Variants in MYO9A observed in about 807,000 individuals in gnomAD.
MYO9A encodes the protein unconventional myosin-IXa.
Under a neutral mutation model 293.3 loss-of-function variants are expected in MYO9A, and 103 were observed. The observed-to-expected ratio is 0.35, with a 90% CI of 0.30 to 0.41. The LOEUF (loss-of-function observed/expected upper bound fraction) is 0.41, where lower values mean the gene tolerates loss of function less well. Ranked by LOEUF, MYO9A falls within the 10% of genes least tolerant of loss-of-function variation. The probability of loss-of-function intolerance (pLI) is 1.00; values close to 1 mark genes in which losing one functional copy is unlikely to be tolerated. For synonymous variants in MYO9A, 1,001 were observed against 1,035.7 expected, an observed-to-expected ratio of 0.97 and a Z score of 0.64; for missense variants, 2,685 against 3,033.0, an observed-to-expected ratio of 0.89 and a Z score of 2.69.
At chr15:71,930,090 C>T (rs1384897417) in intron 18 of MYO9A, among the ~76,000 whole-genome samples, 1 of 152,146 alleles carries the variant, frequency 6.6e-6, no homozygotes, top group Non-Finnish European at 1.5e-5. Flanking sequence ...GAAAGAATTT[C>T]TATTGCTGGC....
intron 18 of MYO9A, among the ~76,000 whole-genome samples, chr15:71,933,109 T>C (rs1466074185): frequency 6.6e-6 from 1 of 152,128 alleles, no homozygotes; most frequent in Non-Finnish European, 1.5e-5. Flanking sequence ...GTTAAAATAA[T>C]AATATTTTAT....
intron 10 of MYO9A, among the ~76,000 whole-genome samples, chr15:71,993,050 T>C (rs1300484085): frequency 2.0e-5 from 3 of 152,046 alleles, no homozygotes; most frequent in Admixed American, 1.3e-4. Context: ...CCACAATAAA[T>C]GCCTTCTAAA....
chr15:72,077,145 A>G (rs574120270), intron 1 of MYO9A, among the ~76,000 whole-genome samples: 44 of 152,316 alleles, frequency 2.9e-4, no homozygotes, highest in African/African-American at 1.0e-3. Context: ...AGCATGGGGG[A>G]AAATCTTGGT....
At chr15:72,070,645 G>A (rs1011004958) in intron 1 of MYO9A, among the ~76,000 whole-genome samples, 2 of 151,722 alleles carry the variant, frequency 1.3e-5, no homozygotes, top group African/African-American at 4.8e-5. Context: ...AACCAAAACC[G>A]CGCCACTGCA....
intron 1 of MYO9A, among the ~76,000 whole-genome samples, chr15:72,061,160 G>GA (rs2078867313): frequency 6.6e-6 from 1 of 152,130 alleles, no homozygotes; most frequent in Non-Finnish European, 1.5e-5. Context: ...CTTGGACCTT[G>GA]AAAAAACTTC....
At chr15:71,994,652 T>G in intron 9 of MYO9A, 67 bp from the exon 10 acceptor site, 1 of 836,384 alleles carries the variant, frequency 1.2e-6, no homozygotes, top group South Asian at 2.4e-5. Flanking sequence ...GACAAAGTTG[T>G]TTGCTCCCAT....
intron 1 of MYO9A, among the ~76,000 whole-genome samples, chr15:72,088,616 T>C (rs2079814463): frequency 6.6e-6 from 1 of 152,206 alleles, no homozygotes; most frequent in East Asian, 1.9e-4. Context: ...TCATGTATAC[T>C]TCTCAGCCTT....
At chr15:71,862,980 T>G (rs2056198776) in intron 32 of MYO9A, among the ~76,000 whole-genome samples, 1 of 149,830 alleles carries the variant, frequency 6.7e-6, no homozygotes, top group African/African-American at 2.5e-5. Context: ...CAGGCTGGAG[T>G]GCAGTGGTGC....
chr15:72,021,480 C>T (rs1050560589), intron 4 of MYO9A, among the ~76,000 whole-genome samples: 1 of 152,174 alleles, frequency 6.6e-6, no homozygotes, highest in African/African-American at 2.4e-5. Context: ...CTGACAGCTA[C>T]CAGAAAGGTC....
At chr15:71,895,036 T>C (rs2057284648) in intron 25 of MYO9A, among the ~76,000 whole-genome samples, 1 of 152,214 alleles carries the variant, frequency 6.6e-6, no homozygotes, top group African/African-American at 2.4e-5. Flanking sequence ...CTAGGAGCCA[T>C]AAGAAATTAT....
chr15:71,855,577 A>C (rs1483748474), intron 34 of MYO9A, among the ~76,000 whole-genome samples: 1 of 152,182 alleles, frequency 6.6e-6, no homozygotes, highest in African/African-American at 2.4e-5. Flanking sequence ...TTGTTTTGCA[A>C]ATCTGTCTTT....
Position 72,046,051 on chromosome 15 carries a change from C to T in MYO9A, c.513G>A (p.Lys171=). 1 of 1,613,436 alleles carries T rather than the reference C, an allele frequency of 6.2e-7. No individual in the cohort carries two copies. The highest frequency in any genetic ancestry group is 1.7e-5 in the Admixed American group (1 of 59,850). The stretch of plus-strand genomic sequence containing the variant: ...CAACATAGGTATAAATTTTTTCATG[C>T]TTAAAGCGATTTCGTAGGTTTTCTA... ...TLLENLRNRF[K]HEKIYTYVGS... The change falls in exon 2 of 42, where the codon AAG becomes AAA. Residue 171 remains lysine, a synonymous_variant. Coordinates refer to ENST00000356056, the MANE Select transcript of MYO9A (RefSeq NM_006901.4).
At position 72,066,455 on chromosome 15, in the gene MYO9A, C is replaced by T. The variant is rs548198701; in HGVS notation, c.-71-19821G>A. 3.5e-5 allele frequency among the ~76,000 whole-genome samples: 5 copies of T among 144,686 alleles called. No individual in the cohort carries two copies. The East Asian group carries it at 1.0e-3, about 29-fold the overall frequency. The allele number at this position is 144,686 out of a possible 152,430, so 94.9% of individuals were successfully genotyped here. On this transcript the variant is annotated intron_variant, in intron 1 of 41. Coordinates refer to ENST00000356056, the MANE Select transcript of MYO9A (RefSeq NM_006901.4). Reference sequence around the variant, plus strand: ...GAGCAGAGATCACACCACTGCACTCCAGCCTGGCAACAGAGTGAGACTTGG... The same window carrying T: ...GAGCAGAGATCACACCACTGCACTCTAGCCTGGCAACAGAGTGAGACTTGG...
intron 39 of MYO9A, among the ~76,000 whole-genome samples, chr15:71,846,476 C>G (rs2055394052): frequency 6.6e-6 from 1 of 152,136 alleles, no homozygotes; most frequent in Non-Finnish European, 1.5e-5. Context: ...GTGAGAAGAG[C>G]ACTGGATTAA....
Position 71,956,860 on chromosome 15 carries a change from A to ATAT in MYO9A, c.2182+3040_2182+3041insATA, listed in dbSNP as rs2059213708. Among the ~76,000 whole-genome samples, 37 of 140,330 alleles carry ATAT rather than the reference A, an allele frequency of 2.6e-4. 1 individual carries two copies. Among genetic ancestry groups the ATAT allele is most frequent in the African/African-American group, 8.3e-4 (31 of 37,330 alleles). The allele number at this position is 140,330 out of a possible 152,430, so 92.1% of individuals were successfully genotyped here. The stretch of plus-strand genomic sequence containing the variant: ...ATACACACACACACACACACACACA[A>ATAT]ATATATATATATATATATATATATC... On this transcript the variant is annotated intron_variant, in intron 14 of 41. Transcript: ENST00000356056.
chr15:71,886,793 G>A (rs923166090), intron 27 of MYO9A, among the ~76,000 whole-genome samples: 1 of 152,010 alleles, frequency 6.6e-6, no homozygotes, highest in Non-Finnish European at 1.5e-5. Flanking sequence ...GGGGGAGGAC[G>A]TGGAAACTAA....
intron 3 of MYO9A, among the ~76,000 whole-genome samples, chr15:72,029,613 A>G (rs2077798796): frequency 6.6e-6 from 1 of 152,336 alleles, no homozygotes; most frequent in South Asian, 2.1e-4. Context: ...TGACTAGAGA[A>G]TGATATAGGT....
intron 1 of MYO9A, among the ~76,000 whole-genome samples, chr15:72,081,520 TTC>T (rs1160905217): frequency 6.6e-6 from 1 of 152,224 alleles, no homozygotes; most frequent in Non-Finnish European, 1.5e-5. Flanking sequence ...TGTTAATAGT[TTC>T]TTTTGCTGTG....
intron 2 of MYO9A, among the ~76,000 whole-genome samples, chr15:72,038,836 C>T (rs761995172): frequency 2.0e-5 from 3 of 152,188 alleles, no homozygotes; most frequent in Non-Finnish European, 2.9e-5. Flanking sequence ...ACCTTTGTTA[C>T]AGCAACCTAA....
Sources: gnomAD v4.1 joint callset for allele counts (sites outside exome capture counted in the v4.1 genomes callset) on GRCh38, gnomAD v4.1.1 for gene constraint, MANE v1.5 for transcripts, NCBI Gene and HGNC (gene_info 2026-07-23, HGNC 2026-07-21) for gene names.